The following FDFT1 variants were observed in gnomAD, a reference collection of about 807,000 sequenced individuals.
FDFT1 encodes farnesyl-diphosphate farnesyltransferase 1.
A neutral mutation model predicts 46.8 loss-of-function variants in FDFT1; 68 were observed. That is an observed-to-expected ratio of 1.45 (90% CI 1.19 to 1.78). The LOEUF (loss-of-function observed/expected upper bound fraction) is 1.78, where lower values mean the gene tolerates loss of function less well. Ranked by LOEUF, FDFT1 falls within the 40% of genes most tolerant of loss-of-function variation. The pLI, the probability that FDFT1 is intolerant of heterozygous loss-of-function variation, is 0.00. For missense variants in FDFT1, 928 were observed against 524.4 expected, an observed-to-expected ratio of 1.77 and a Z score of -7.52; for synonymous variants, 351 against 185.1, an observed-to-expected ratio of 1.90 and a Z score of -7.28.
At chr8:11,830,725 G>T (rs1281423317) in intron 6 of FDFT1, among the ~76,000 whole-genome samples, 3 of 152,114 alleles carry the variant, frequency 2.0e-5, no homozygotes, top group South Asian at 2.1e-4. Flanking sequence ...AGATTTATGG[G>T]GAGTGCTGGG....
chr8:11,803,195 T>A, intron 1 of FDFT1: 2 of 1,410,880 alleles, frequency 1.4e-6, no homozygotes, highest in Non-Finnish European at 1.9e-6. Flanking sequence ...GCTCCCCGTT[T>A]CGTCCCCTCC....
intron 1 of FDFT1, chr8:11,803,462 T>C: frequency 7.9e-7 from 1 of 1,273,830 alleles, no homozygotes; most frequent in Non-Finnish European, 1.0e-6. Context: ...CTATCTACGC[T>C]TCCAAGTTCC....
rs1324225213 is a variant in FDFT1 at position 11,839,212 on chromosome 8, G to A, written c.*603G>A. On this transcript the variant is annotated 3_prime_UTR_variant, in exon 8 of 8. Coordinates refer to ENST00000220584, the MANE Select transcript of FDFT1 (RefSeq NM_004462.5). ...TTTAGCTTTCAGAGAGAAACAGCAG[G>A]ATTGCTTTTGACCTTTTAGAAGATT... is the stretch of plus-strand genomic sequence containing the variant. The A allele has an allele frequency of 6.5e-6, 1 of 152,990 alleles. No homozygotes were observed. The highest frequency in any genetic ancestry group is 2.4e-5 in the African/African-American group (1 of 41,440). The allele number at this position is 152,990 out of a possible 1,614,324, so 9.5% of individuals were successfully genotyped here. A position where few individuals can be genotyped will look rare whatever the true frequency, so the allele number is the denominator to read the frequency against.
At chr8:11,817,517 C>G (rs957385494) in intron 3 of FDFT1, among the ~76,000 whole-genome samples, 1 of 152,138 alleles carries the variant, frequency 6.6e-6, no homozygotes, top group Admixed American at 6.5e-5. Flanking sequence ...GGTTGGTAGG[C>G]TATTAATTAT....
chr8:11,805,905 TTGAG>T (rs920614732), intron 1 of FDFT1, among the ~76,000 whole-genome samples: 5 of 152,192 alleles, frequency 3.3e-5, no homozygotes, highest in Admixed American at 1.3e-4. Flanking sequence ...AAAGGGTTGA[TTGAG>T]TAAGGATCAC....
intron 3 of FDFT1, among the ~76,000 whole-genome samples, chr8:11,810,721 A>G (rs1257528172): frequency 6.6e-6 from 1 of 152,174 alleles, no homozygotes; most frequent in Non-Finnish European, 1.5e-5. Flanking sequence ...TCCATATCTT[A>G]TAAATAAAGG....
Position 11,804,908 on chromosome 8 carries a change from CTTT to C in FDFT1, c.99+1992_99+1994del, listed in dbSNP as rs34874686. 2.6e-3 allele frequency among the ~76,000 whole-genome samples: 291 copies of C among 111,436 alleles called. 3 individuals carry two copies. Among genetic ancestry groups the C allele is most frequent in the Middle Eastern group, 0.01 (2 of 198 alleles). 73.1% of individuals were successfully genotyped at this position (111,436 alleles called of 152,430 possible). A position where few individuals can be genotyped will look rare whatever the true frequency, so the allele number is the denominator to read the frequency against. On this transcript the variant is annotated intron_variant, in intron 1 of 7. Transcript: ENST00000220584. ...ACAGGCGTGAGCCACTGCACCCGGCCTTTTTTTTTTTTTTTTTGAGGGGGGGGT... is the reference window on the plus strand; with the variant it reads ...ACAGGCGTGAGCCACTGCACCCGGCCTTTTTTTTTTTTTTGAGGGGGGGGT...
At chr8:11,796,243 G>A (rs116686929) in intron 1 of FDFT1, among the ~76,000 whole-genome samples, 418 of 152,362 alleles carry the variant, frequency 2.7e-3, no homozygotes, top group African/African-American at 9.5e-3. Flanking sequence ...GCTGTGTGAG[G>A]ATGGGGGTTA....
chr8:11,800,042 A>ACT (rs1272137152), upstream of FDFT1, among the ~76,000 whole-genome samples: 2 of 144,670 alleles, frequency 1.4e-5, no homozygotes, highest in African/African-American at 5.0e-5. Context: ...AGGGTGGATC[A>ACT]TGAGGTCAGG....
At chr8:11,823,369 T>C (rs1300975756) in intron 4 of FDFT1, among the ~76,000 whole-genome samples, 1 of 152,244 alleles carries the variant, frequency 6.6e-6, no homozygotes, top group African/African-American at 2.4e-5. Context: ...GATAGTACTA[T>C]AGATATACTA....
chr8:11,796,338 G>C (rs1446809291), intron 1 of FDFT1, among the ~76,000 whole-genome samples: 2 of 152,182 alleles, frequency 1.3e-5, no homozygotes, highest in South Asian at 2.1e-4. Context: ...TGTAGGCCCA[G>C]CCCTTGTGCT....
Position 11,809,711 on chromosome 8 carries a change from C to A in FDFT1, c.242C>A (p.Thr81Lys). ...IFYLVLRALDTLEDDMTISVE... is the reference protein window; with the variant it reads ...IFYLVLRALDKLEDDMTISVE... ...TATCTGGTTCTCCGAGCTCTGGACACACTGGAAGATGACATGACCATCAGT... is the reference window on the plus strand; with the variant it reads ...TATCTGGTTCTCCGAGCTCTGGACAAACTGGAAGATGACATGACCATCAGT... Residue 81 changes from threonine (T) to lysine (K), a missense_variant, in exon 3 of 8, where the codon ACA becomes AAA. Transcript: ENST00000220584. 6.2e-7 allele frequency: 1 copy of A among 1,614,126 alleles called. No individual in the cohort carries two copies. The highest frequency in any genetic ancestry group is 8.5e-7 in the Non-Finnish European group (1 of 1,179,996).
At chr8:11,814,681 C>T (rs1203573431) in intron 3 of FDFT1, among the ~76,000 whole-genome samples, 1 of 152,080 alleles carries the variant, frequency 6.6e-6, no homozygotes, top group East Asian at 1.9e-4. Context: ...TACATTAGGG[C>T]TTGGACTATG....
intron 3 of FDFT1, among the ~76,000 whole-genome samples, chr8:11,819,248 TA>T (rs1369396554): frequency 6.6e-6 from 1 of 152,210 alleles, no homozygotes; most frequent in Admixed American, 6.5e-5. Context: ...CCTTTGTGGG[TA>T]ACCCGACCTT....
chr8:11,800,283 A>T (rs1716736174), upstream of FDFT1, among the ~76,000 whole-genome samples: 1 of 142,846 alleles, frequency 7.0e-6, no homozygotes, highest in Admixed American at 6.9e-5. Context: ...AAAAAAAAAA[A>T]AAAAAAAAAG....
rs765247257 is a variant in FDFT1, at chr8:11,830,373, T to C, written c.832T>C (p.Ser278Pro). Residue 278 changes from serine to proline, a missense_variant, in exon 6 of 8, where the codon TCG (serine) becomes CCG (proline). Physicochemically the swap from Ser to Pro is moderately conservative, Grantham distance 74. Transcript: ENST00000220584. ...HHIPDVITYL[S>P]RLRNQSVFNF... ...CATCCCAGATGTCATCACCTACCTT[T>C]CGAGACTCAGAAACCAGAGTGTGTT... The C allele has an allele frequency of 6.2e-7, 1 of 1,613,868 alleles. No homozygotes were observed. The highest frequency in any genetic ancestry group is 1.1e-5 in the South Asian group (1 of 91,068).
At chr8:11,832,899 C>T (rs1019976642) in intron 7 of FDFT1, among the ~76,000 whole-genome samples, 30 of 152,158 alleles carry the variant, frequency 2.0e-4, no homozygotes, top group African/African-American at 6.5e-4. Flanking sequence ...TTTGTGCATC[C>T]GTCTAGTCCC....
intron 7 of FDFT1, among the ~76,000 whole-genome samples, 200 bp from the exon 8 acceptor site, chr8:11,838,188 A>G (rs554020851): frequency 8.5e-5 from 13 of 152,304 alleles, no homozygotes; most frequent in African/African-American, 3.1e-4. Flanking sequence ...TCAGGAAGAC[A>G]GGCTTTGAGA....
intron 7 of FDFT1, among the ~76,000 whole-genome samples, chr8:11,835,192 C>T (rs1005464980): frequency 6.6e-6 from 1 of 152,178 alleles, no homozygotes; most frequent in Non-Finnish European, 1.5e-5. Context: ...TATGACCTGT[C>T]CTTGACAAGC....
Sources: allele counts gnomAD v4.1 joint callset (sites outside exome capture counted in the v4.1 genomes callset), GRCh38; gene constraint gnomAD v4.1.1; transcripts MANE v1.5; gene names NCBI Gene and HGNC (gene_info 2026-07-23, HGNC 2026-07-21).